ABCD3: variants seen among roughly 807,000 people sequenced by gnomAD.
ABCD3 encodes ATP-binding cassette sub-family D member 3.
ABCD3 carries 41 observed loss-of-function variants against 105.5 expected under a neutral mutation model. The observed-to-expected ratio is 0.39, with a 90% CI of 0.30 to 0.50. The LOEUF is 0.50. ABCD3 is among the 20% of genes least tolerant of loss of function. The pLI is 0.84. For missense variants in ABCD3, 622 were observed against 806.3 expected (o/e 0.77, Z 2.77); for synonymous variants, 258 against 269.0 (o/e 0.96, Z 0.40).
chr1:94,406,529 CT>C, the ABCD3 span: 2 of 377,404 alleles, frequency 5.3e-6, no homozygotes, highest in South Asian at 2.2e-5. Flanking sequence ...TGGCTCCCTT[CT>C]TTTTCTGATC....
At chr1:94,467,175 G>A (rs1460596799) in intron 3 of ABCD3, among the ~76,000 whole-genome samples, 1 of 152,140 alleles carries the variant, frequency 6.6e-6, no homozygotes, top group Non-Finnish European at 1.5e-5. Flanking sequence ...ACTCAGTACA[G>A]TACCATAGTT....
intron 21 of ABCD3, among the ~76,000 whole-genome samples, chr1:94,510,398 T>C (rs1240885263): frequency 6.6e-6 from 1 of 151,764 alleles, no homozygotes; most frequent in Non-Finnish European, 1.5e-5. Flanking sequence ...CTGAGGAGAG[T>C]TTTACTTCCA....
chr1:94,507,609 A>AT (rs1650431603), intron 21 of ABCD3, among the ~76,000 whole-genome samples: 1 of 152,140 alleles, frequency 6.6e-6, no homozygotes, highest in South Asian at 2.1e-4. Context: ...TCCCACCAAC[A>AT]GTGTAAAAGT....
At chr1:94,453,610 G>T (rs180769584) in intron 1 of ABCD3, among the ~76,000 whole-genome samples, 67 of 151,778 alleles carry the variant, frequency 4.4e-4, no homozygotes, top group African/African-American at 1.6e-3. Flanking sequence ...GAGCCACCGC[G>T]CCCAGCCGGA....
At chr1:94,413,845 A>G (rs146639049), upstream of ABCD3, among the ~76,000 whole-genome samples, 13 of 152,338 alleles carry the variant, frequency 8.5e-5, no homozygotes, top group East Asian at 2.5e-3. Flanking sequence ...AGAATTATAT[A>G]TGAAACAGTA....
chr1:94,505,107 A>G (rs1650286278), intron 20 of ABCD3, among the ~76,000 whole-genome samples: 1 of 152,228 alleles, frequency 6.6e-6, no homozygotes, highest in Non-Finnish European at 1.5e-5. Context: ...ATTACATTTG[A>G]GTTTTAGACT....
intron 1 of ABCD3, among the ~76,000 whole-genome samples, chr1:94,447,974 A>G (rs1407675424): frequency 6.6e-6 from 1 of 152,198 alleles, no homozygotes; most frequent in Non-Finnish European, 1.5e-5. Context: ...GCCCTTGGCA[A>G]TTAACAAAAG....
At chr1:94,425,353 C>G (rs1047667525) in intron 1 of ABCD3, among the ~76,000 whole-genome samples, 13 of 152,158 alleles carry the variant, frequency 8.5e-5, no homozygotes, top group Admixed American at 3.9e-4. Context: ...CCTATATTTC[C>G]CTGTACATGA....
intron 10 of ABCD3, 66 bp downstream of exon 10, chr1:94,483,305 T>C (rs528120298): frequency 2.4e-6 from 3 of 1,232,124 alleles, no homozygotes; most frequent in East Asian, 2.3e-5. Context: ...TTGTTTTGCC[T>C]ATGGCCGACA....
rs538222862 is a variant in ABCD3 at position 94,427,713 on chromosome 1, C to T, written c.110+9125C>T. Among the ~76,000 whole-genome samples, 28 of 152,312 alleles carry T rather than the reference C, an allele frequency of 1.8e-4. No homozygotes were observed. The South Asian group carries it at 4.1e-3, about 23-fold the overall frequency. On this transcript the variant is annotated intron_variant, in intron 1 of 22. Transcript: ENST00000370214. The stretch of plus-strand genomic sequence containing the variant: ...TAGTCTCGAATTTCTGGTCTCCAAG[C>T]GATCGCCTGCCTTGTTCTCCCAAAA...
chr1:94,516,886 T>C (rs1432035277), intron 22 of ABCD3, among the ~76,000 whole-genome samples, 166 bp from the exon 23 acceptor site: 3 of 151,924 alleles, frequency 2.0e-5, no homozygotes, highest in Non-Finnish European at 4.4e-5. Context: ...AACCTACTGG[T>C]AGCTGAGATC....
At chr1:94,481,791 C>G (rs1649038123) in intron 9 of ABCD3, 1 of 152,206 alleles carries the variant, frequency 6.6e-6, no homozygotes, top group Admixed American at 6.6e-5. Flanking sequence ...AACTGACTTT[C>G]CCTCATATCT....
chr1:94,464,981 G>T, intron 3 of ABCD3, 108 bp downstream of exon 3: 2 of 958,708 alleles, frequency 2.1e-6, no homozygotes, highest in Non-Finnish European at 3.3e-6. Context: ...TCCTGGATCT[G>T]CAGGCTGTAC....
intron 1 of ABCD3, among the ~76,000 whole-genome samples, chr1:94,432,853 T>G (rs932158300): frequency 1.2e-4 from 1 of 8,266 alleles, no homozygotes; most frequent in African/African-American, 1.4e-4. Context: ...GTTAGGCAAA[T>G]TTTTTTTCTT....
upstream of ABCD3, among the ~76,000 whole-genome samples, chr1:94,418,253 G>C (rs1450362771): frequency 1.3e-5 from 2 of 152,192 alleles, no homozygotes; most frequent in Non-Finnish European, 2.9e-5. Context: ...CGCGTCCCGG[G>C]AACTGTTCCG....
intron 1 of ABCD3, among the ~76,000 whole-genome samples, chr1:94,448,208 G>A (rs971117612): frequency 1.3e-5 from 2 of 152,090 alleles, no homozygotes; most frequent in East Asian, 1.9e-4. Context: ...GATAGGAAAC[G>A]GGAGAACTCG....
chr1:94,450,744 C>T (rs940832250), intron 1 of ABCD3, among the ~76,000 whole-genome samples: 3 of 152,186 alleles, frequency 2.0e-5, no homozygotes, highest in African/African-American at 7.2e-5. Context: ...TTTAATTCCT[C>T]TAGTGCCGCT....
Position 94,436,484 on chromosome 1 carries a change from G to A in ABCD3, c.110+17896G>A, listed in dbSNP as rs903004575. Among the ~76,000 whole-genome samples, 3 of 151,972 alleles carry A rather than the reference G, an allele frequency of 2.0e-5. No homozygotes were observed. In the East Asian group the frequency reaches 5.8e-4, roughly 29 times the overall value. On this transcript the variant is annotated intron_variant, in intron 1 of 22. Coordinates refer to ENST00000370214, the MANE Select transcript of ABCD3 (RefSeq NM_002858.4). ...CTCTTTCCATTCTTCCTTATTTTTTGGTTGTACTGTATCTGTGTTGTCAGA... is the reference window on the plus strand; with the variant it reads ...CTCTTTCCATTCTTCCTTATTTTTTAGTTGTACTGTATCTGTGTTGTCAGA...
At chr1:94,397,111 CTTG>C in the ABCD3 span, among the ~76,000 whole-genome samples, 1 of 151,996 alleles carries the variant, frequency 6.6e-6, no homozygotes, top group Admixed American at 6.6e-5. Context: ...TTTTTATAAA[CTTG>C]TTATTTTGAA....
Sources: allele counts gnomAD v4.1 joint callset (sites outside exome capture counted in the v4.1 genomes callset), GRCh38; gene constraint gnomAD v4.1.1; transcripts MANE v1.5; gene names NCBI Gene and HGNC (gene_info 2026-07-23, HGNC 2026-07-21).